The following ACTR8 variants were observed in gnomAD, a reference collection of about 807,000 sequenced individuals.
ACTR8 encodes the protein actin related protein 8.
Under a neutral mutation model 84.3 loss-of-function variants are expected in ACTR8, and 70 were observed. That is an observed-to-expected ratio of 0.83 (90% CI 0.68 to 1.01). The LOEUF is 1.01. Among genes scored for constraint, ACTR8 ranks in the 50% least tolerant of loss-of-function variants. The pLI, the probability that ACTR8 is intolerant of heterozygous loss-of-function variation, is 0.00. For synonymous variants in ACTR8, 268 were observed against 275.2 expected, an observed-to-expected ratio of 0.97 and a Z score of 0.26; for missense variants, 672 against 775.4, an observed-to-expected ratio of 0.87 and a Z score of 1.58.
chr3:53,869,935 C>T, intron 12 of ACTR8, 47 bp downstream of exon 12: 4 of 1,601,554 alleles, frequency 2.5e-6, no homozygotes, highest in Non-Finnish European at 2.6e-6. Context: ...ACATACAAGG[C>T]TGGTTTCATT....
chr3:53,870,292 C>T lies in ACTR8; in HGVS notation c.1568-147G>A. Reference sequence around the variant, plus strand: ...CCCTCCACACTGCAGCCAGGGGAACCCTACGAAACACAAATGTAGGCATGT... The same window carrying T: ...CCCTCCACACTGCAGCCAGGGGAACTCTACGAAACACAAATGTAGGCATGT... On this transcript the variant is annotated intron_variant, in intron 11 of 12. Transcript: ENST00000335754. This position sits in a 1 kb window ranked among gnomAD's most constrained non-coding sequence, Gnocchi z 4.1. The T allele has an allele frequency of 1.1e-6, 1 of 885,188 alleles. No individual in the cohort carries two copies. Among genetic ancestry groups the T allele is most frequent in the Non-Finnish European group, 1.7e-6 (1 of 579,232 alleles). 54.8% of individuals were successfully genotyped at this position (885,188 alleles called of 1,614,324 possible).
At chr3:53,872,350 A>C in intron 10 of ACTR8, 34 bp downstream of exon 10, 1 of 1,525,962 alleles carries the variant, frequency 6.6e-7, no homozygotes, top group Admixed American at 2.2e-5. Context: ...TCAGGGACAA[A>C]ACTCTCTCTT....
chr3:53,878,066 T>G (rs1436023677), intron 3 of ACTR8, among the ~76,000 whole-genome samples: 3 of 152,218 alleles, frequency 2.0e-5, no homozygotes, highest in Admixed American at 1.3e-4. Context: ...GTTTATCATA[T>G]GAAATTGAAG....
chr3:53,878,668 C>T (rs1576868035), intron 2 of ACTR8, among the ~76,000 whole-genome samples: 1 of 152,148 alleles, frequency 6.6e-6, no homozygotes, highest in East Asian at 1.9e-4. Context: ...ACAAAAAATA[C>T]AAGAAATTAG....
chr3:53,866,643 A>G (rs1699790852), downstream of ACTR8, among the ~76,000 whole-genome samples: 1 of 133,812 alleles, frequency 7.5e-6, no homozygotes, highest in African/African-American at 2.8e-5. Context: ...CACCACACCC[A>G]GCTAACTTTT....
rs1039434681 is a variant in ACTR8 at position 53,870,677 on chromosome 3, C to T, written c.1568-532G>A. 1.3e-5 allele frequency among the ~76,000 whole-genome samples: 2 copies of T among 152,048 alleles called. No individual in the cohort carries two copies. The highest frequency in any genetic ancestry group is 2.9e-5 in the Non-Finnish European group (2 of 68,010). On this transcript the variant is annotated intron_variant, in intron 11 of 12. Transcript: ENST00000335754. This position sits in a 1 kb window ranked among gnomAD's most constrained non-coding sequence, Gnocchi z 4.1. The stretch of plus-strand genomic sequence containing the variant: ...TAAATAAATAAAATCTTTAAAGGGA[C>T]CCACAAGATCCACTACGGGTGGTCG...
At chr3:53,872,048 C>T (rs1699890353) in intron 10 of ACTR8, among the ~76,000 whole-genome samples, 1 of 152,204 alleles carries the variant, frequency 6.6e-6, no homozygotes, top group African/African-American at 2.4e-5. Context: ...CTATGCCACA[C>T]ATCTTTCACA....
rs1700005404 is a variant in ACTR8, at chr3:53,878,289, G to A, written c.405+68C>T. 10 of 1,178,450 alleles carry A rather than the reference G, an allele frequency of 8.5e-6. No individual in the cohort carries two copies. The Admixed American group carries it at 1.8e-4, about 21-fold the overall frequency. 73.0% of individuals were successfully genotyped at this position (1,178,450 alleles called of 1,614,324 possible). On this transcript the variant is annotated intron_variant, in intron 3 of 12. Coordinates refer to ENST00000335754, the MANE Select transcript of ACTR8 (RefSeq NM_022899.5). Reference sequence around the variant, plus strand: ...TTGTATTTGCATAGTGGTATAGGAAGAACATGTGAATGGTATTATGATACC... The same window carrying A: ...TTGTATTTGCATAGTGGTATAGGAAAAACATGTGAATGGTATTATGATACC...
At chr3:53,877,884 A>C in intron 3 of ACTR8, 133 bp from the exon 4 acceptor site, 1 of 680,520 alleles carries the variant, frequency 1.5e-6, no homozygotes, top group Non-Finnish European at 2.5e-6. Flanking sequence ...CAAAATATTG[A>C]CTGGCTGCAA....
downstream of ACTR8, among the ~76,000 whole-genome samples, chr3:53,863,082 T>A (rs1699624927): frequency 6.6e-6 from 1 of 152,110 alleles, no homozygotes; most frequent in African/African-American, 2.4e-5. Context: ...TATTTTCTCA[T>A]GATTTTAATT....
chr3:53,860,020 A>C, the ACTR8 span: 1 of 786,788 alleles, frequency 1.3e-6, no homozygotes, highest in Non-Finnish European at 2.0e-6. Flanking sequence ...AAAACTAAAA[A>C]ATAATAAAAA....
downstream of ACTR8, chr3:53,865,262 C>A: frequency 6.2e-7 from 1 of 1,611,160 alleles, no homozygotes; most frequent in Non-Finnish European, 8.5e-7. Context: ...CAGGTGTCAG[C>A]AGGAAAAAGA....
At chr3:53,871,605 C>G in intron 10 of ACTR8, 109 bp from the exon 11 acceptor site, 1 of 1,277,268 alleles carries the variant, frequency 7.8e-7, no homozygotes, top group Non-Finnish European at 1.1e-6. Context: ...AAAAGCCACA[C>G]AGCAATACAA....
chr3:53,879,054 T>C (rs1028006569), intron 2 of ACTR8, among the ~76,000 whole-genome samples: 7 of 152,242 alleles, frequency 4.6e-5, no homozygotes, highest in Admixed American at 4.6e-4. Flanking sequence ...CTTCATATGT[T>C]GATCAGCAAG....
rs1699959728 is a variant in ACTR8 at position 53,876,022 on chromosome 3, C to T, written c.837G>A (p.Thr279=). ...TCTGGTCCCCAACGTCTACAATACA[C>T]GTGCTGCTTAAGCCACTTCCATAGG... ...CATYGSGLSS[T]CIVDVGDQKT... is the part of the protein sequence containing the mutation. The change falls in exon 7 of 13, where the codon ACG becomes ACA. Residue 279 remains threonine (T), a synonymous_variant. Coordinates refer to ENST00000335754, the MANE Select transcript of ACTR8 (RefSeq NM_022899.5). 4 of 1,614,042 alleles carry T rather than the reference C, an allele frequency of 2.5e-6. No homozygotes were observed. The highest frequency in any genetic ancestry group is 3.4e-6 in the Non-Finnish European group (4 of 1,180,042).
chr3:53,866,567 T>C (rs987460969), downstream of ACTR8, among the ~76,000 whole-genome samples: 5 of 152,098 alleles, frequency 3.3e-5, no homozygotes, highest in Admixed American at 6.5e-5. Context: ...CTACAACCTC[T>C]GCCTTCCGGG....
Position 53,868,465 on chromosome 3 carries a change from G to A in ACTR8, c.*254C>T. On this transcript the variant is annotated 3_prime_UTR_variant, in exon 13 of 13. Transcript: ENST00000335754. Reference sequence around the variant, plus strand: ...GTTTACATCACTGGGGAGTTTATGAGACCCTGAGAGAGGGCAAGAGAGTTT... The same window carrying A: ...GTTTACATCACTGGGGAGTTTATGAAACCCTGAGAGAGGGCAAGAGAGTTT... 2.2e-6 allele frequency: 1 copy of A among 452,826 alleles called. No individual in the cohort carries two copies. Among genetic ancestry groups the A allele is most frequent in the Non-Finnish European group, 3.9e-6 (1 of 258,184 alleles). 28.1% of individuals were successfully genotyped at this position (452,826 alleles called of 1,614,324 possible).
chr3:53,860,007 C>G, the ACTR8 span: 1 of 713,450 alleles, frequency 1.4e-6, no homozygotes, highest in African/African-American at 1.8e-5. Context: ...GAGACTCTGT[C>G]TCAAAACTAA....
Position 53,882,053 on chromosome 3 carries a change from C to T in ACTR8, c.49G>A (p.Gly17Ser). ...GDTENGKEKG[G>S]EKEKEQRGVK... The stretch of plus-strand genomic sequence containing the variant: ...CCGCGCTGCTCCTTCTCCTTCTCGC[C>T]GCCCTTCTCCTTTCCGTTCTCCGTA... Residue 17 changes from glycine to serine, a missense_variant, in exon 1 of 13, where the codon GGC becomes AGC. By Grantham distance (56) the Gly-to-Ser change is moderately conservative (BLOSUM62 0). Transcript: ENST00000335754. 1 of 1,551,696 alleles carries T rather than the reference C, an allele frequency of 6.4e-7. No homozygotes were observed. The highest frequency in any genetic ancestry group is 8.7e-7 in the Non-Finnish European group (1 of 1,146,890).
Sources: allele counts gnomAD v4.1 joint callset (sites outside exome capture counted in the v4.1 genomes callset), GRCh38; gene constraint gnomAD v4.1.1; non-coding constraint Gnocchi (gnomAD v3.1); transcripts MANE v1.5; gene names NCBI Gene and HGNC (gene_info 2026-07-23, HGNC 2026-07-21).